HPS4: variants seen among roughly 807,000 people sequenced by gnomAD.
HPS4 encodes the protein BLOC-3 complex member HPS4.
A neutral mutation model predicts 70.3 loss-of-function variants in HPS4; 44 were observed. That is an observed-to-expected ratio of 0.63 (90% confidence interval 0.49 to 0.80). The LOEUF (loss-of-function observed/expected upper bound fraction) is 0.80. Among genes scored for constraint, HPS4 ranks in the 30% least tolerant of loss-of-function variants. The pLI is 0.00. For synonymous variants in HPS4, 377 were observed against 355.9 expected, an observed-to-expected ratio of 1.06 and a Z score of -0.67; for missense variants, 873 against 884.4, an observed-to-expected ratio of 0.99 and a Z score of 0.16.
rs1204338243 is a variant in HPS4, at chr22:26,473,001, C to T, written c.277-62G>A. 9.6e-6 allele frequency: 14 copies of T among 1,461,204 alleles called. No individual in the cohort carries two copies. In the Admixed American group the frequency reaches 1.5e-4, roughly 16 times the overall value. The allele number at this position is 1,461,204 out of a possible 1,614,324, so 90.5% of individuals were successfully genotyped here. A position where few individuals can be genotyped will look rare whatever the true frequency, so the allele number is the denominator to read the frequency against. ...TTCTCTTTGAGTCCAAGCCCAGAAT[C>T]CTGGCATCCAGGGCTCTCAATTACC... On this transcript the variant is annotated intron_variant, in intron 4 of 13. Transcript: ENST00000398145.
At chr22:26,445,750 G>A (rs948447687) in intron 3 of HPS4, among the ~76,000 whole-genome samples, 3 of 152,186 alleles carry the variant, frequency 2.0e-5, no homozygotes, top group South Asian at 2.1e-4. Context: ...GAGGAAGGCC[G>A]CCAAATGGAA....
chr22:26,454,494 C>T (rs1313966605), intron 13 of HPS4, among the ~76,000 whole-genome samples: 1 of 152,220 alleles, frequency 6.6e-6, no homozygotes, highest in Non-Finnish European at 1.5e-5. Flanking sequence ...GTGCTTAACA[C>T]ATTGTGAGTG....
Position 26,482,035 on chromosome 22 carries a change from C to T in HPS4, c.-273G>A. ...TAACAGAGAATCCTAGCAGAAAAGT[C>T]AAATCCATTCCTCTGGTTTCCTAAG... On this transcript the variant is annotated 5_prime_UTR_variant, in exon 2 of 14. Coordinates refer to ENST00000398145, the MANE Select transcript of HPS4 (RefSeq NM_022081.6). The T allele has an allele frequency of 2.2e-6, 1 of 459,904 alleles. No individual in the cohort carries two copies. Among genetic ancestry groups the T allele is most frequent in the Non-Finnish European group, 4.0e-6 (1 of 249,260 alleles). 28.5% of individuals were successfully genotyped at this position (459,904 alleles called of 1,614,324 possible).
chr22:26,455,476 G>A (rs2085929234), intron 13 of HPS4, among the ~76,000 whole-genome samples: 1 of 150,128 alleles, frequency 6.7e-6, no homozygotes, highest in African/African-American at 2.5e-5. Context: ...GCAAACTATT[G>A]CAAGGACAAA....
At chr22:26,482,781 G>T (rs897123627) in intron 1 of HPS4, 1 of 152,116 alleles carries the variant, frequency 6.6e-6, no homozygotes, top group African/African-American at 2.4e-5. Context: ...CCAGAGATGC[G>T]TGGTTCACTA....
Position 26,472,947 on chromosome 22 carries a change from G to A in HPS4, c.277-8C>T. 1 of 1,613,208 alleles carries A rather than the reference G, an allele frequency of 6.2e-7. No individual in the cohort carries two copies. The highest frequency in any genetic ancestry group is 1.7e-5 in the Admixed American group (1 of 60,020). On this transcript the variant is annotated splice_polypyrimidine_tract_variant and splice_region_variant and intron_variant, in intron 4 of 13. Transcript: ENST00000398145. ...CACAGCACAGCCCAGCACCTGTAAAGAGAGAAACCAGGAAGACAAGCATCT... is the reference window on the plus strand; with the variant it reads ...CACAGCACAGCCCAGCACCTGTAAAAAGAGAAACCAGGAAGACAAGCATCT...
chr22:26,479,512 T>C (rs564641821), intron 2 of HPS4, 157 bp from the exon 3 acceptor site: 3 of 1,448,334 alleles, frequency 2.1e-6, no homozygotes, highest in Admixed American at 2.8e-5. Flanking sequence ...AGCTACAAAT[T>C]AGATAAAACC....
At chr22:26,475,347 C>CTTTTTTT (rs5844705) in intron 4 of HPS4, 3 of 95,632 alleles carry the variant, frequency 3.1e-5, no homozygotes, top group Non-Finnish European at 4.1e-5. Flanking sequence ...CATTAAATTT[C>CTTTTTTT]TTTTTTTTTT....
downstream of HPS4, among the ~76,000 whole-genome samples, chr22:26,449,416 C>T (rs1199292468): frequency 5.9e-5 from 9 of 151,270 alleles, no homozygotes; most frequent in Non-Finnish European, 5.9e-5. Flanking sequence ...CTGCAACCTC[C>T]GCCTCCTGGG....
Position 26,481,844 on chromosome 22 carries a change from T to C in HPS4, c.-82A>G. ...CTTTCTCCCTAGCTGTGACCGTTCC[T>C]CTATCCCCCAATCCAGTGAATCTGG... On this transcript the variant is annotated 5_prime_UTR_variant, in exon 2 of 14. Coordinates refer to ENST00000398145, the MANE Select transcript of HPS4 (RefSeq NM_022081.6). 1.5e-6 allele frequency: 2 copies of C among 1,339,452 alleles called. No homozygotes were observed. The highest frequency in any genetic ancestry group is 2.1e-6 in the Non-Finnish European group (2 of 930,264). The allele number at this position is 1,339,452 out of a possible 1,614,324, so 83.0% of individuals were successfully genotyped here. A position where few individuals can be genotyped will look rare whatever the true frequency, so the allele number is the denominator to read the frequency against.
Position 26,451,097 on chromosome 22 carries a change from T to C in HPS4, c.*2136A>G, listed in dbSNP as rs1359949672. ...ACTGACAGTGGCACTCGGTGTCAAC[T>C]AGGAGTCCAGGGTGGGCAGGCTGTC... On this transcript the variant is annotated 3_prime_UTR_variant, in exon 14 of 14. Transcript: ENST00000398145. Among the ~76,000 whole-genome samples, 1 of 152,192 alleles carries C rather than the reference T, an allele frequency of 6.6e-6. No individual in the cohort carries two copies. The highest frequency in any genetic ancestry group is 2.4e-5 in the African/African-American group (1 of 41,444).
intron 2 of HPS4, among the ~76,000 whole-genome samples, chr22:26,481,067 A>G (rs1354637550): frequency 6.6e-6 from 1 of 152,132 alleles, no homozygotes; most frequent in East Asian, 1.9e-4. Context: ...CAGAAACTCC[A>G]TGTGCACCCC....
Position 26,476,994 on chromosome 22 carries a change from C to G in HPS4, c.275G>C (p.Trp92Ser). The G allele has an allele frequency of 1.2e-6, 2 of 1,614,054 alleles. No homozygotes were observed. Among genetic ancestry groups the G allele is most frequent in the Non-Finnish European group, 8.5e-7 (1 of 1,179,950 alleles). Residue 92 changes from tryptophan (W) to serine (S), a missense_variant and splice_region_variant, in exon 4 of 14, where the codon TGG (tryptophan) becomes TCG (serine). Coordinates refer to ENST00000398145, the MANE Select transcript of HPS4 (RefSeq NM_022081.6). ...CACTGATTCTGCCATTCAACTTACC[C>G]AAAGGTAATCTCCATCAACTTTTAT... ...FAIKVDGDYL[W>S]VLGCAVELPD...
At position 26,464,370 on chromosome 22, in the gene HPS4, T is replaced by C. The variant is rs775881151; in HGVS notation, c.1260A>G (p.Thr420=). 1.2e-6 allele frequency: 2 copies of C among 1,614,198 alleles called. No homozygotes were observed. Among genetic ancestry groups the C allele is most frequent in the South Asian group, 2.2e-5 (2 of 91,090 alleles). Residue 420 remains threonine (T), a synonymous_variant, in exon 11 of 14, where the codon ACA becomes ACG. Transcript: ENST00000398145. ...AGGGAGGGCGCAAGCTGCTGATGGCTGTGTCCTCAGGAGGCGTGGGTTCCA... is the reference window on the plus strand; with the variant it reads ...AGGGAGGGCGCAAGCTGCTGATGGCCGTGTCCTCAGGAGGCGTGGGTTCCA... ...SSLEPTPPED[T]AISSLRPPSA...
rs374277298 is a variant in HPS4 at position 26,458,593 on chromosome 22, G to C, written c.1714-16C>G. On this transcript the variant is annotated splice_polypyrimidine_tract_variant and intron_variant, in intron 11 of 13. Transcript: ENST00000398145. ...TGCTGTGGTACTGCAAAGGGGGAGAGGGTCATGGGCTTGTAGGGCTGACCT... is the reference window on the plus strand; with the variant it reads ...TGCTGTGGTACTGCAAAGGGGGAGACGGTCATGGGCTTGTAGGGCTGACCT... 2 of 1,613,678 alleles carry C rather than the reference G, an allele frequency of 1.2e-6. No individual in the cohort carries two copies. Among genetic ancestry groups the C allele is most frequent in the Non-Finnish European group, 1.7e-6 (2 of 1,179,868 alleles).
At chr22:26,479,607 G>A (rs375753524) in intron 2 of HPS4, 11 of 1,291,990 alleles carry the variant, frequency 8.5e-6, no homozygotes, top group South Asian at 5.8e-5. Context: ...CGAGTAGCTA[G>A]AAAAAAAAAC....
In HPS4 at chr22:26,464,180, G is replaced by A. The variant is rs773570398; in HGVS notation, c.1450C>T (p.Pro484Ser). ...LDPGQRGNKL[P>S]TGEQGLDEDV... is the part of the protein sequence containing the mutation. ...TCATCCAGGCCTTGTTCCCCCGTGG[G>A]AAGCTTGTTTCCTCTCTGTCCTGGA... The change falls in exon 11 of 14, where the codon CCC becomes TCC. Residue 484 changes from proline (P) to serine (S), a missense_variant. Pro to Ser is a moderately conservative substitution (Grantham distance 74). Transcript: ENST00000398145. 1 of 1,614,240 alleles carries A rather than the reference G, an allele frequency of 6.2e-7. No individual in the cohort carries two copies. The highest frequency in any genetic ancestry group is 8.5e-7 in the Non-Finnish European group (1 of 1,180,052).
chr22:26,465,991 T>C, intron 9 of HPS4: 1 of 1,363,040 alleles, frequency 7.3e-7, no homozygotes, highest in Non-Finnish European at 1.0e-6. Flanking sequence ...TCTCACAATA[T>C]GAAGTTAAGG....
At chr22:26,466,177 C>T (rs758640214) in intron 9 of HPS4, 49 bp downstream of exon 9, 1 of 1,612,746 alleles carries the variant, frequency 6.2e-7, no homozygotes, top group Admixed American at 1.7e-5. Flanking sequence ...GGGTAGGTAG[C>T]ATAAAAGACC....
Sources: gnomAD v4.1 joint callset for allele counts (sites outside exome capture counted in the v4.1 genomes callset) on GRCh38, gnomAD v4.1.1 for gene constraint, MANE v1.5 for transcripts, NCBI Gene and HGNC (gene_info 2026-07-23, HGNC 2026-07-21) for gene names.